BRINP3: variants seen among roughly 807,000 people sequenced by gnomAD.
The protein encoded by BRINP3 is BMP/retinoic acid-inducible neural-specific protein 3.
Under a neutral mutation model 71.0 loss-of-function variants are expected in BRINP3, and 19 were observed. The observed-to-expected ratio is 0.27, with a 90% CI of 0.19 to 0.39. The LOEUF (loss-of-function observed/expected upper bound fraction) is 0.39, where lower values mean the gene tolerates loss of function less well. Ranked by LOEUF, BRINP3 falls within the 10% of genes least tolerant of loss-of-function variation. The pLI is 1.00. For synonymous variants in BRINP3, 380 were observed against 337.7 expected, an observed-to-expected ratio of 1.13 and a Z score of -1.37; for missense variants, 959 against 940.8, an observed-to-expected ratio of 1.02 and a Z score of -0.25.
chr1:190,413,903 AAAATGT>A (rs1275098607), intron 2 of BRINP3, among the ~76,000 whole-genome samples: 1 of 152,210 alleles, frequency 6.6e-6, no homozygotes, highest in Non-Finnish European at 1.5e-5. Flanking sequence ...CCACTGAAAA[AAAATGT>A]TAACAGGAAT....
chr1:190,250,745 C>T (rs948861087), intron 4 of BRINP3, among the ~76,000 whole-genome samples: 5 of 151,966 alleles, frequency 3.3e-5, no homozygotes, highest in Non-Finnish European at 7.4e-5. Context: ...CAATGTTCCC[C>T]TTGACATATG....
rs148025662 is a variant in BRINP3, at chr1:190,448,700, G to T, written c.236+5955C>A. Among the ~76,000 whole-genome samples, 1,231 of 151,802 alleles carry T rather than the reference G, an allele frequency of 8.1e-3. 7 individuals carry two copies. The highest frequency in any genetic ancestry group is 0.019 in the African/African-American group (798 of 41,462). On this transcript the variant is annotated intron_variant, in intron 2 of 7. Coordinates refer to ENST00000367462, the MANE Select transcript of BRINP3 (RefSeq NM_199051.3). ...CTTTGCTAAAAGTAGCACATTCAAA[G>T]AAATTTTTAAGTCTGATTATGATAA...
At chr1:190,331,249 A>G (rs185843888) in intron 2 of BRINP3, among the ~76,000 whole-genome samples, 51 of 152,154 alleles carry the variant, frequency 3.4e-4, no homozygotes, top group African/African-American at 1.2e-3. Context: ...AAAGATATGT[A>G]AGTATATAAC....
At chr1:190,213,119 A>G (rs190116412) in intron 6 of BRINP3, among the ~76,000 whole-genome samples, 238 of 152,190 alleles carry the variant, frequency 1.6e-3, no homozygotes, top group Admixed American at 2.7e-3. Context: ...GGAAACTGTT[A>G]CCAGCAGTAA....
intron 2 of BRINP3, among the ~76,000 whole-genome samples, chr1:190,401,649 C>G (rs201548217): frequency 1.3e-5 from 2 of 151,950 alleles, no homozygotes; most frequent in Non-Finnish European, 2.9e-5. Flanking sequence ...AGGACTTTCT[C>G]AAGTCCATCA....
intron 1 of BRINP3, among the ~76,000 whole-genome samples, chr1:190,456,098 A>G (rs1675966022): frequency 6.6e-6 from 1 of 152,204 alleles, no homozygotes; most frequent in Admixed American, 6.5e-5. Flanking sequence ...ATTAAGATAT[A>G]TCAGTAATAG....
chr1:190,340,498 A>G (rs1390025992), intron 2 of BRINP3, among the ~76,000 whole-genome samples: 1 of 151,888 alleles, frequency 6.6e-6, no homozygotes, highest in Non-Finnish European at 1.5e-5. Context: ...CCCTGGACTC[A>G]AGAGGAGATA....
At chr1:190,142,749 T>C (rs766903542) in intron 7 of BRINP3, among the ~76,000 whole-genome samples, 3 of 151,902 alleles carry the variant, frequency 2.0e-5, no homozygotes, top group Non-Finnish European at 4.4e-5. Flanking sequence ...ATTAAAAATA[T>C]GGAATTGAAG....
At chr1:190,128,005 C>G (rs551950419) in intron 7 of BRINP3, among the ~76,000 whole-genome samples, 2 of 151,700 alleles carry the variant, frequency 1.3e-5, no homozygotes, top group African/African-American at 4.8e-5. Context: ...GAAGTAATAT[C>G]AATGCTGCTT....
At chr1:190,362,939 TA>T (rs1669242546) in intron 2 of BRINP3, among the ~76,000 whole-genome samples, 1 of 152,164 alleles carries the variant, frequency 6.6e-6, no homozygotes, top group African/African-American at 2.4e-5. Context: ...TTTTTAATTT[TA>T]AAATAAAATC....
intron 6 of BRINP3, among the ~76,000 whole-genome samples, chr1:190,194,670 T>C (rs189553651): frequency 9.3e-4 from 142 of 152,218 alleles, no homozygotes; most frequent in African/African-American, 2.5e-3. Context: ...AATGATAGAA[T>C]TGGGATAAGC....
At chr1:190,204,609 C>T (rs1655331205) in intron 6 of BRINP3, among the ~76,000 whole-genome samples, 1 of 151,832 alleles carries the variant, frequency 6.6e-6, no homozygotes, top group Non-Finnish European at 1.5e-5. Context: ...ATCTGATCAC[C>T]AGAGTAGCTC....
chr1:190,115,067 A>G (rs1653016874), intron 7 of BRINP3, among the ~76,000 whole-genome samples: 1 of 152,000 alleles, frequency 6.6e-6, no homozygotes, highest in Admixed American at 6.6e-5. Flanking sequence ...TGTGTTTCTT[A>G]GTGAGAATTT....
In BRINP3 at chr1:190,098,448, G is replaced by C. The variant is rs1275254627; in HGVS notation, c.1871C>G (p.Thr624Arg). ...GCGACTTCTCAGGTAGATGTGTACT[G>C]TCTCAAAAAATGTCTTCCATTTGTT... ...LGNKWKTFFE[T>R]VHIYLRSRIK... The change falls in exon 8 of 8, where the codon ACA becomes AGA. Residue 624 changes from threonine (T) to arginine (R), a missense_variant. Coordinates refer to ENST00000367462, the MANE Select transcript of BRINP3 (RefSeq NM_199051.3). 1 of 1,614,134 alleles carries C rather than the reference G, an allele frequency of 6.2e-7. No individual in the cohort carries two copies. Among genetic ancestry groups the C allele is most frequent in the Admixed American group, 1.7e-5 (1 of 60,022 alleles).
At chr1:190,447,706 A>T (rs1675324867) in intron 2 of BRINP3, among the ~76,000 whole-genome samples, 1 of 150,884 alleles carries the variant, frequency 6.6e-6, no homozygotes, top group Non-Finnish European at 1.5e-5. Context: ...GAAGATGTTT[A>T]ATTATAATTA....
intron 6 of BRINP3, among the ~76,000 whole-genome samples, chr1:190,201,595 C>T (rs531796125): frequency 9.5e-4 from 144 of 152,266 alleles, no homozygotes; most frequent in Admixed American, 2.6e-3. Flanking sequence ...TATTGCAGTC[C>T]CAGAAACCTA....
chr1:190,268,299 G>C (rs1174685167), intron 3 of BRINP3, among the ~76,000 whole-genome samples: 2 of 152,064 alleles, frequency 1.3e-5, no homozygotes, highest in African/African-American at 4.8e-5. Context: ...GAGTCTCACT[G>C]TGTTGCCCAG....
At chr1:190,161,049 A>G (rs1438262799) in intron 6 of BRINP3, among the ~76,000 whole-genome samples, 159 bp from the exon 7 acceptor site, 2 of 152,174 alleles carry the variant, frequency 1.3e-5, no homozygotes, top group Non-Finnish European at 2.9e-5. Flanking sequence ...AAATTAATAG[A>G]AGATGGGGTT....
intron 7 of BRINP3, among the ~76,000 whole-genome samples, chr1:190,135,566 C>T (rs985432728): frequency 2.0e-5 from 3 of 151,898 alleles, no homozygotes; most frequent in Admixed American, 6.6e-5. Context: ...TTTCATGTTC[C>T]ATGGAGATAA....
Sources: allele counts gnomAD v4.1 joint callset (sites outside exome capture counted in the v4.1 genomes callset), GRCh38; gene constraint gnomAD v4.1.1; transcripts MANE v1.5; gene names NCBI Gene and HGNC (gene_info 2026-07-23, HGNC 2026-07-21).